FCHSD2: variants seen among roughly 807,000 people sequenced by gnomAD.
The protein encoded by FCHSD2 is F-BAR and double SH3 domains protein 2.
Under a neutral mutation model 108.1 loss-of-function variants are expected in FCHSD2, and 38 were observed. The ratio of observed to expected loss-of-function variants is 0.35; its 90% CI spans 0.27 to 0.46. The LOEUF is 0.46. Among genes scored for constraint, FCHSD2 ranks in the 20% least tolerant of loss-of-function variants. The pLI is 1.00. For missense variants in FCHSD2, 751 were observed against 897.8 expected, an observed-to-expected ratio of 0.84 and a Z score of 2.09; for synonymous variants, 279 against 314.7, an observed-to-expected ratio of 0.89 and a Z score of 1.20.
At chr11:72,922,792 C>T (rs1856000030) in intron 8 of FCHSD2, among the ~76,000 whole-genome samples, 1 of 152,062 alleles carries the variant, frequency 6.6e-6, no homozygotes, top group African/African-American at 2.4e-5. Flanking sequence ...AGGTAAAATT[C>T]ACCCAATATA....
At chr11:73,039,043 T>G (rs1858566884) in intron 3 of FCHSD2, among the ~76,000 whole-genome samples, 1 of 152,218 alleles carries the variant, frequency 6.6e-6, no homozygotes, top group African/African-American at 2.4e-5. Flanking sequence ...TACTTCTTTC[T>G]AATATTACTT....
chr11:73,065,202 C>T (rs1333926444), intron 3 of FCHSD2, among the ~76,000 whole-genome samples: 1 of 152,190 alleles, frequency 6.6e-6, no homozygotes, highest in African/African-American at 2.4e-5. Flanking sequence ...GCTGGATCAA[C>T]ATATGCAAAT....
At chr11:72,915,436 CAT>C (rs2135301200) in intron 9 of FCHSD2, among the ~76,000 whole-genome samples, 1 of 152,284 alleles carries the variant, frequency 6.6e-6, no homozygotes, top group South Asian at 2.1e-4. Context: ...ATTATAAAGA[CAT>C]ATGCCTGCTT....
intron 9 of FCHSD2, among the ~76,000 whole-genome samples, chr11:72,904,024 C>G (rs11602858): frequency 0.15 from 22,696 of 152,100 alleles, 1,983 homozygotes; most frequent in South Asian, 0.21. Flanking sequence ...AATCTGGGAA[C>G]TGGGCGAACC....
chr11:72,878,464 T>C (rs1247757002), intron 12 of FCHSD2, among the ~76,000 whole-genome samples: 1 of 152,202 alleles, frequency 6.6e-6, no homozygotes, highest in African/African-American at 2.4e-5. Flanking sequence ...AATACCATTT[T>C]CTATTAAGAG....
At chr11:72,921,208 G>A (rs533671263) in intron 9 of FCHSD2, among the ~76,000 whole-genome samples, 2 of 152,232 alleles carry the variant, frequency 1.3e-5, no homozygotes, top group South Asian at 2.1e-4. Flanking sequence ...CCAACCACAG[G>A]AACAATTTAT....
At chr11:72,981,961 G>C (rs1448458918) in intron 8 of FCHSD2, among the ~76,000 whole-genome samples, 1 of 152,206 alleles carries the variant, frequency 6.6e-6, no homozygotes, top group Non-Finnish European at 1.5e-5. Context: ...AGCCTGTTAT[G>C]ACAGAGCGAG....
At chr11:72,855,971 T>C (rs1186433380) in intron 13 of FCHSD2, among the ~76,000 whole-genome samples, 1 of 152,180 alleles carries the variant, frequency 6.6e-6, no homozygotes, top group Non-Finnish European at 1.5e-5. Context: ...GCCTCAAATA[T>C]TTGTTTCTTG....
At chr11:73,080,732 T>C (rs1859664429) in intron 3 of FCHSD2, among the ~76,000 whole-genome samples, 2 of 152,008 alleles carry the variant, frequency 1.3e-5, no homozygotes, top group South Asian at 4.2e-4. Context: ...TGATCTGAGG[T>C]CAGCAGTTCA....
intron 8 of FCHSD2, among the ~76,000 whole-genome samples, chr11:72,963,321 T>C (rs1180003328): frequency 1.3e-5 from 2 of 152,158 alleles, no homozygotes; most frequent in Non-Finnish European, 2.9e-5. Flanking sequence ...GTAGTGAGCA[T>C]TTACTACGCA....
intron 9 of FCHSD2, among the ~76,000 whole-genome samples, chr11:72,905,560 G>T (rs1274774927): frequency 2.0e-5 from 3 of 152,024 alleles, no homozygotes; most frequent in African/African-American, 4.8e-5. Flanking sequence ...TTTACGTTAG[G>T]TATTTCTCCC....
At chr11:72,956,177 A>G (rs2135364557) in intron 8 of FCHSD2, among the ~76,000 whole-genome samples, 1 of 152,364 alleles carries the variant, frequency 6.6e-6, no homozygotes, top group African/African-American at 2.4e-5. Flanking sequence ...AATCCATTGA[A>G]TAAAACAGAA....
At chr11:73,015,960 C>A in intron 3 of FCHSD2, 75 bp from the exon 4 acceptor site, 2 of 765,404 alleles carry the variant, frequency 2.6e-6, no homozygotes, top group Non-Finnish European at 4.3e-6. Context: ...AAATACATGA[C>A]TTAGAAAATC....
chr11:73,122,025 G>A (rs753916180), intron 2 of FCHSD2, among the ~76,000 whole-genome samples: 49 of 152,094 alleles, frequency 3.2e-4, no homozygotes, highest in Non-Finnish European at 6.3e-4. Flanking sequence ...TCTACAATAT[G>A]ACTGCAACTA....
At chr11:73,112,492 G>A (rs1860509257) in intron 2 of FCHSD2, among the ~76,000 whole-genome samples, 1 of 152,088 alleles carries the variant, frequency 6.6e-6, no homozygotes, top group Non-Finnish European at 1.5e-5. Context: ...AATCTGCTTG[G>A]TGTTCTATAT....
chr11:73,090,842 T>G (rs1276950914), intron 2 of FCHSD2, among the ~76,000 whole-genome samples: 2 of 152,200 alleles, frequency 1.3e-5, no homozygotes, highest in Admixed American at 6.5e-5. Context: ...TTCACAAATG[T>G]TGTACAACCA....
intron 3 of FCHSD2, among the ~76,000 whole-genome samples, chr11:73,076,996 G>C (rs1859569536): frequency 6.6e-6 from 1 of 150,780 alleles, no homozygotes; most frequent in African/African-American, 2.4e-5. Flanking sequence ...TGTAGTCCCA[G>C]CTACTCAGGA....
intron 9 of FCHSD2, among the ~76,000 whole-genome samples, chr11:72,908,585 G>C (rs191183511): frequency 6.6e-6 from 1 of 152,264 alleles, no homozygotes; most frequent in African/African-American, 2.4e-5. Context: ...CCTGAACTAG[G>C]ATGATATAAT....
chr11:73,036,010 C>T (rs1202685915), intron 3 of FCHSD2, among the ~76,000 whole-genome samples: 2 of 152,162 alleles, frequency 1.3e-5, no homozygotes, highest in African/African-American at 4.8e-5. Flanking sequence ...TGAGCCACCA[C>T]TCCTCGCCCA....
Sources: allele counts gnomAD v4.1 joint callset (sites outside exome capture counted in the v4.1 genomes callset), GRCh38; gene constraint gnomAD v4.1.1; transcripts MANE v1.5; gene names NCBI Gene and HGNC (gene_info 2026-07-23, HGNC 2026-07-21).